Variants in ARID5B observed in about 807,000 individuals in gnomAD.
ARID5B encodes the protein AT-rich interaction domain 5B, also known as AT-rich interactive domain-containing protein 5B.
Under a neutral mutation model 97.2 loss-of-function variants are expected in ARID5B, and 13 were observed. That is an observed-to-expected ratio of 0.13 (90% CI 0.09 to 0.21). ARID5B has a LOEUF of 0.21. ARID5B is among the 10% of genes least tolerant of loss of function. The pLI, the probability that ARID5B is intolerant of heterozygous loss-of-function variation, is 1.00. For synonymous variants in ARID5B, 556 were observed against 570.3 expected (o/e 0.97, Z 0.36); for missense variants, 1,210 against 1,465.3 (o/e 0.83, Z 2.84).
chr10:62,035,903 C>A (rs1839557457), intron 4 of ARID5B, among the ~76,000 whole-genome samples: 1 of 152,142 alleles, frequency 6.6e-6, no homozygotes, highest in Admixed American at 6.5e-5. Flanking sequence ...CGGCTCACTT[C>A]ATGTTCTGCC....
At position 61,940,214 on chromosome 10, in the gene ARID5B, T is replaced by C. The variant is rs759668203; in HGVS notation, c.308T>C (p.Ile103Thr). The change falls in exon 3 of 10, where the codon ATT becomes ACT. Residue 103 changes from isoleucine (I) to threonine (T), a missense_variant. Physicochemically the swap from Ile to Thr is moderately conservative, Grantham distance 89. This residue lies in a region of ARID5B where 80 missense variants were observed against 133.2 expected (regional missense o/e 0.60). Coordinates refer to ENST00000279873, the MANE Select transcript of ARID5B (RefSeq NM_032199.3). ...DEVIAVSEKVIVKLEDLVKWV... is the reference protein window; with the variant it reads ...DEVIAVSEKVTVKLEDLVKWV... ...GTCATTGCTGTTTCCGAAAAGGTGA[T>C]TGTGAAGCTTGAAGACCTGGTCAAG... The C allele has an allele frequency of 5.0e-6, 8 of 1,614,152 alleles. No individual in the cohort carries two copies. Among genetic ancestry groups the C allele is most frequent in the East Asian group, 2.2e-5 (1 of 44,882 alleles).
chr10:61,996,141 T>A (rs568541652), intron 3 of ARID5B, among the ~76,000 whole-genome samples: 9 of 152,248 alleles, frequency 5.9e-5, no homozygotes, highest in African/African-American at 2.2e-4. Flanking sequence ...AGAAAGTTAA[T>A]GTACATGAAT....
intron 4 of ARID5B, among the ~76,000 whole-genome samples, chr10:62,030,595 T>C (rs1345094816): frequency 6.6e-6 from 1 of 152,190 alleles, no homozygotes; most frequent in Non-Finnish European, 1.5e-5. Flanking sequence ...TAACTGTAAG[T>C]AAACAATTTT....
intron 2 of ARID5B, among the ~76,000 whole-genome samples, chr10:61,932,700 G>A (rs1844233048): frequency 6.6e-6 from 1 of 152,110 alleles, no homozygotes; most frequent in Non-Finnish European, 1.5e-5. Flanking sequence ...GTAGTATGCA[G>A]TGCTGCTTGA....
At chr10:61,915,613 G>A (rs1004938191) in intron 2 of ARID5B, among the ~76,000 whole-genome samples, 29 of 152,108 alleles carry the variant, frequency 1.9e-4, no homozygotes, top group Non-Finnish European at 4.1e-4. Flanking sequence ...GTTGGTCTAG[G>A]TATCATCTAG....
Position 62,090,954 on chromosome 10 carries a change from A to C in ARID5B, c.1491A>C (p.Ile497=). 1 of 1,614,214 alleles carries C rather than the reference A, an allele frequency of 6.2e-7. No individual in the cohort carries two copies. Among genetic ancestry groups the C allele is most frequent in the East Asian group, 2.2e-5 (1 of 44,888 alleles). The change falls in exon 10 of 10, where the codon ATA becomes ATC. Residue 497 remains isoleucine, a synonymous_variant. Coordinates refer to ENST00000279873, the MANE Select transcript of ARID5B (RefSeq NM_032199.3). The part of the protein sequence containing the change: ...PLPAADMKKK[I]EGYQEFSAKP... ...CAGCAGCAGACATGAAGAAAAAAAT[A>C]GAAGGGTATCAGGAATTTTCAGCGA...
intron 3 of ARID5B, among the ~76,000 whole-genome samples, chr10:61,999,289 C>T (rs61580532): frequency 0.015 from 2,288 of 152,332 alleles, 62 homozygotes; most frequent in African/African-American, 0.051. Flanking sequence ...TATACAGATG[C>T]TTGTTGACTT....
At chr10:61,962,335 G>C (rs773298912) in intron 3 of ARID5B, among the ~76,000 whole-genome samples, 1 of 152,176 alleles carries the variant, frequency 6.6e-6, no homozygotes, top group Non-Finnish European at 1.5e-5. Context: ...AAAAAACAAA[G>C]GTGAAGGCTC....
intron 8 of ARID5B, among the ~76,000 whole-genome samples, chr10:62,075,973 T>G (rs1840127470): frequency 6.6e-6 from 1 of 152,234 alleles, no homozygotes; most frequent in African/African-American, 2.4e-5. Flanking sequence ...CAGAGAGCAC[T>G]CTCAGGGGTA....
chr10:61,997,892 A>G (rs970667669), intron 3 of ARID5B, among the ~76,000 whole-genome samples: 7 of 152,238 alleles, frequency 4.6e-5, no homozygotes, highest in African/African-American at 7.2e-5. Context: ...TTTTGAACCC[A>G]AAGTTTGAAC....
intron 2 of ARID5B, among the ~76,000 whole-genome samples, chr10:61,906,938 T>C (rs1843717954): frequency 6.6e-6 from 1 of 152,256 alleles, no homozygotes; most frequent in Admixed American, 6.5e-5. Flanking sequence ...AAAATGCATA[T>C]GCCCAAAGTT....
chr10:61,922,205 G>T (rs1161110829), intron 2 of ARID5B, among the ~76,000 whole-genome samples: 3 of 152,186 alleles, frequency 2.0e-5, no homozygotes, highest in African/African-American at 7.2e-5. Flanking sequence ...GGAGAGTTTT[G>T]CTGGAAAGGG....
intron 2 of ARID5B, among the ~76,000 whole-genome samples, chr10:61,936,094 T>C (rs1282163614): frequency 6.6e-6 from 1 of 152,236 alleles, no homozygotes; most frequent in African/African-American, 2.4e-5. Context: ...TGAACCCACT[T>C]TGAAAACCAA....
intron 4 of ARID5B, among the ~76,000 whole-genome samples, chr10:62,045,741 C>T (rs568325801): frequency 5.3e-5 from 8 of 152,232 alleles, no homozygotes; most frequent in South Asian, 4.1e-4. Flanking sequence ...AGATTATTGT[C>T]TGAAAAGAAA....
chr10:62,075,173 C>T (rs1369364154), intron 8 of ARID5B, among the ~76,000 whole-genome samples: 2 of 152,164 alleles, frequency 1.3e-5, no homozygotes, highest in Non-Finnish European at 2.9e-5. Flanking sequence ...ACGCACAGCC[C>T]GGGCCAGAGA....
chr10:61,914,703 A>G (rs1009733450), intron 2 of ARID5B, among the ~76,000 whole-genome samples: 1 of 152,268 alleles, frequency 6.6e-6, no homozygotes, highest in Admixed American at 6.5e-5. Context: ...GTGACCACTT[A>G]TATGTCAGGC....
chr10:61,993,045 T>A (rs929238018), intron 3 of ARID5B, among the ~76,000 whole-genome samples: 10 of 152,182 alleles, frequency 6.6e-5, no homozygotes, highest in Non-Finnish European at 1.3e-4. Flanking sequence ...GCATTTAATT[T>A]ATTTTTATTA....
At chr10:61,922,436 G>A (rs531363181) in intron 2 of ARID5B, among the ~76,000 whole-genome samples, 1 of 151,166 alleles carries the variant, frequency 6.6e-6, no homozygotes, top group South Asian at 2.1e-4. Flanking sequence ...AACCCTGTCT[G>A]TATTAAAAAT....
chr10:61,968,717 C>A (rs765467239), intron 3 of ARID5B, among the ~76,000 whole-genome samples: 2 of 152,160 alleles, frequency 1.3e-5, no homozygotes, highest in Non-Finnish European at 2.9e-5. Flanking sequence ...GATAGGTTTG[C>A]TGTTCTTCTC....
Sources: gnomAD v4.1 joint callset for allele counts (sites outside exome capture counted in the v4.1 genomes callset) on GRCh38, gnomAD v4.1.1 for gene constraint, gnomAD v4.1.1 regional missense constraint, MANE v1.5 for transcripts, NCBI Gene and HGNC (gene_info 2026-07-23, HGNC 2026-07-21) for gene names.